Variants in ASIC2 observed in about 807,000 individuals in gnomAD.
The protein encoded by ASIC2 is acid-sensing ion channel 2.
Under a neutral mutation model 57.3 loss-of-function variants are expected in ASIC2, and 25 were observed. The observed-to-expected ratio is 0.44, with a 90% CI of 0.32 to 0.61. The LOEUF is 0.61. Ranked by LOEUF, ASIC2 falls within the 20% of genes least tolerant of loss-of-function variation. The pLI, the probability that ASIC2 is intolerant of heterozygous loss-of-function variation, is 0.06. For synonymous variants in ASIC2, 319 were observed against 307.5 expected (o/e 1.04, Z -0.39); for missense variants, 641 against 738.1 (o/e 0.87, Z 1.52).
intron 3 of ASIC2, among the ~76,000 whole-genome samples, chr17:33,034,034 G>C (rs2091898011): frequency 6.6e-6 from 1 of 152,112 alleles, no homozygotes; most frequent in Non-Finnish European, 1.5e-5. Context: ...GAGAGCTGCA[G>C]AGATGGCCTG....
intron 1 of ASIC2, among the ~76,000 whole-genome samples, chr17:33,724,096 A>G (rs12938929): frequency 1.3e-5 from 2 of 152,062 alleles, no homozygotes; most frequent in East Asian, 3.9e-4. Flanking sequence ...ATGATAGTGA[A>G]TAAGTCTCAC....
At chr17:33,648,531 G>A (rs1044255235) in intron 1 of ASIC2, among the ~76,000 whole-genome samples, 9 of 152,328 alleles carry the variant, frequency 5.9e-5, no homozygotes, top group Non-Finnish European at 1.3e-4. Context: ...ATCTGCAAAC[G>A]CCTTATGTGG....
At chr17:33,969,878 C>G (rs78769610) in intron 1 of ASIC2, among the ~76,000 whole-genome samples, 3,398 of 152,180 alleles carry the variant, frequency 0.022, 86 homozygotes, top group African/African-American at 0.059. Context: ...CCAACAGCAC[C>G]TGCCTCGCTA....
intron 1 of ASIC2, among the ~76,000 whole-genome samples, chr17:33,920,844 C>G (rs1478663251): frequency 6.6e-6 from 1 of 152,204 alleles, no homozygotes; most frequent in Non-Finnish European, 1.5e-5. Context: ...GCCCCCACCA[C>G]ACAACATCAT....
intron 1 of ASIC2, among the ~76,000 whole-genome samples, chr17:33,337,810 C>T (rs984013178): frequency 4.0e-5 from 6 of 150,168 alleles, no homozygotes; most frequent in African/African-American, 1.2e-4. Context: ...GTAAGTGTTC[C>T]TTCTGAGGTG....
intron 1 of ASIC2, among the ~76,000 whole-genome samples, chr17:33,509,935 A>AGAAGAGTTT (rs1379962694): frequency 7.9e-5 from 12 of 152,346 alleles, no homozygotes; most frequent in African/African-American, 2.6e-4. Flanking sequence ...CTGTGTAAAA[A>AGAAGAGTTT]GAAGAGTTTG....
In ASIC2 at chr17:33,176,403, G is replaced by C. The variant is rs561972949; in HGVS notation, c.709-64336C>G. ...TTTGTTGACCAGGCTGGAGTACAGT[G>C]GCACAATCATGGCTCACTGCAGCCT... On this transcript the variant is annotated intron_variant, in intron 1 of 9. Coordinates refer to ENST00000225823, the MANE Select transcript of ASIC2 (RefSeq NM_183377.2). Among the ~76,000 whole-genome samples, 32 of 152,276 alleles carry C rather than the reference G, an allele frequency of 2.1e-4. No individual in the cohort carries two copies. In the South Asian group the frequency reaches 6.6e-3, roughly 32 times the overall value.
chr17:33,418,024 A>ATATGTGTGTGTG (rs772080220), intron 1 of ASIC2, among the ~76,000 whole-genome samples: 38 of 110,362 alleles, frequency 3.4e-4, no homozygotes, highest in South Asian at 1.5e-3. Flanking sequence ...CTCAGCATGT[A>ATATGTGTGTGTG]TGTATGTGTG....
chr17:33,225,767 T>C (rs1264519652), intron 1 of ASIC2, among the ~76,000 whole-genome samples: 2 of 152,198 alleles, frequency 1.3e-5, no homozygotes, highest in Non-Finnish European at 2.9e-5. Flanking sequence ...ACACTGGCCA[T>C]AGTCTTTGGT....
chr17:33,320,724 A>ATCT (rs1269631652), intron 1 of ASIC2, among the ~76,000 whole-genome samples: 1 of 152,206 alleles, frequency 6.6e-6, no homozygotes, highest in Non-Finnish European at 1.5e-5. Context: ...ACAAACACCC[A>ATCT]TCTTCTCTCT....
intron 1 of ASIC2, among the ~76,000 whole-genome samples, chr17:33,731,162 C>T (rs1442759068): frequency 1.3e-5 from 2 of 152,218 alleles, no homozygotes; most frequent in Admixed American, 6.5e-5. Flanking sequence ...CTCAAGGGAC[C>T]ATCTTTGATG....
intron 1 of ASIC2, among the ~76,000 whole-genome samples, chr17:33,579,741 C>A (rs1441130269): frequency 4.6e-5 from 7 of 152,176 alleles, no homozygotes; most frequent in South Asian, 2.1e-4. Flanking sequence ...CGGACCCAAA[C>A]ACTAAACAGC....
intron 1 of ASIC2, chr17:33,828,042 AAGG>A (rs1166559659): frequency 1.3e-5 from 2 of 152,164 alleles, no homozygotes; most frequent in Non-Finnish European, 2.9e-5. Flanking sequence ...TGTCCCTATA[AAGG>A]ACATGAACTC....
In ASIC2 at chr17:33,762,084, T is replaced by C. The variant is rs112539783; in HGVS notation, c.555+393894A>G. 4.1e-3 allele frequency among the ~76,000 whole-genome samples: 621 copies of C among 152,240 alleles called. 1 individual carries two copies. Among genetic ancestry groups the C allele is most frequent in the Middle Eastern group, 0.02 (6 of 294 alleles). Reference sequence around the variant, plus strand: ...GAGAAATGAGTGGGCCATTTGATCTTGCAAATGCCTGTAGCAGGGGCTCAG... The same window carrying C: ...GAGAAATGAGTGGGCCATTTGATCTCGCAAATGCCTGTAGCAGGGGCTCAG... On this transcript the variant is annotated intron_variant, in intron 1 of 9. Transcript: ENST00000359872.
chr17:34,088,848 G>A (rs1329378593), intron 1 of ASIC2, among the ~76,000 whole-genome samples: 1 of 152,214 alleles, frequency 6.6e-6, no homozygotes, highest in Non-Finnish European at 1.5e-5. Flanking sequence ...GCCACGTGCG[G>A]GATATAATCT....
At chr17:33,649,016 C>G (rs1368473511) in intron 1 of ASIC2, among the ~76,000 whole-genome samples, 1 of 152,086 alleles carries the variant, frequency 6.6e-6, no homozygotes, top group Non-Finnish European at 1.5e-5. Flanking sequence ...TAAAGATATC[C>G]ACTCTCACCA....
chr17:33,235,395 C>T (rs937517819), intron 1 of ASIC2, among the ~76,000 whole-genome samples: 1 of 152,140 alleles, frequency 6.6e-6, no homozygotes, highest in Non-Finnish European at 1.5e-5. Flanking sequence ...GAGAGCTGAG[C>T]CAGGATGAGT....
intron 4 of ASIC2, among the ~76,000 whole-genome samples, chr17:33,027,486 C>T (rs2091864141): frequency 6.6e-6 from 1 of 152,208 alleles, no homozygotes; most frequent in Non-Finnish European, 1.5e-5. Context: ...TTTCAATATG[C>T]TAAATAACAA....
intron 1 of ASIC2, among the ~76,000 whole-genome samples, chr17:33,942,130 T>C (rs1380254735): frequency 1.3e-5 from 2 of 151,928 alleles, no homozygotes; most frequent in Non-Finnish European, 2.9e-5. Context: ...AGGTCGCCAG[T>C]TGGGGAAGAA....
Sources: gnomAD v4.1 joint callset for allele counts (sites outside exome capture counted in the v4.1 genomes callset) on GRCh38, gnomAD v4.1.1 for gene constraint, MANE v1.5 for transcripts, NCBI Gene and HGNC (gene_info 2026-07-23, HGNC 2026-07-21) for gene names.